Variants in SYT2 observed in about 807,000 individuals in gnomAD.
SYT2 encodes the protein synaptotagmin-2.
SYT2 carries 15 observed loss-of-function variants against 39.9 expected under a neutral mutation model. That is an observed-to-expected ratio of 0.38 (90% CI 0.25 to 0.58). The LOEUF (loss-of-function observed/expected upper bound fraction) is 0.58. Among genes scored for constraint, SYT2 ranks in the 20% least tolerant of loss-of-function variants. SYT2 has a pLI of 0.70. For missense variants in SYT2, 389 were observed against 530.3 expected, an observed-to-expected ratio of 0.73 and a Z score of 2.62; for synonymous variants, 181 against 204.5, an observed-to-expected ratio of 0.89 and a Z score of 0.98.
chr1:202,706,695 G>T (rs1452901465), intron 1 of SYT2, among the ~76,000 whole-genome samples: 1 of 152,180 alleles, frequency 6.6e-6, no homozygotes, highest in African/African-American at 2.4e-5. Flanking sequence ...ATTTATCACA[G>T]GCTTCTGGAG....
intron 1 of SYT2, among the ~76,000 whole-genome samples, chr1:202,624,511 GTGTC>G (rs1014826105): frequency 1.3e-4 from 19 of 150,302 alleles, no homozygotes; most frequent in South Asian, 2.1e-4. Context: ...TGTATGGTGT[GTGTC>G]TGTGTGGTGT....
At chr1:202,625,723 C>T (rs370839556) in intron 1 of SYT2, among the ~76,000 whole-genome samples, 29 of 152,256 alleles carry the variant, frequency 1.9e-4, no homozygotes, top group African/African-American at 5.3e-4. Context: ...CCCCAGTCAA[C>T]GCTCACACCC....
intron 1 of SYT2, among the ~76,000 whole-genome samples, chr1:202,621,817 T>C (rs1691210011): frequency 6.6e-6 from 1 of 152,242 alleles, no homozygotes; most frequent in Admixed American, 6.5e-5. Context: ...CTAGCAGGCT[T>C]CTGGGATTCC....
At chr1:202,605,996 ATTT>A (rs796600519) in intron 1 of SYT2, among the ~76,000 whole-genome samples, 1 of 148,356 alleles carries the variant, frequency 6.7e-6, no homozygotes, top group Non-Finnish European at 1.5e-5. Flanking sequence ...ATCTTTAGAA[ATTT>A]TTTTTTTTTA....
chr1:202,625,238 TG>T (rs1691358601), intron 1 of SYT2, among the ~76,000 whole-genome samples: 1 of 111,634 alleles, frequency 9.0e-6, no homozygotes, highest in Admixed American at 8.4e-5. Flanking sequence ...TGTGTCTGTG[TG>T]GTGTGTGTGT....
chr1:202,631,208 T>C (rs1019850531), intron 1 of SYT2, among the ~76,000 whole-genome samples: 8 of 152,178 alleles, frequency 5.3e-5, no homozygotes, highest in Admixed American at 3.9e-4. Context: ...AAAGCCAGCA[T>C]GGGTGAGCAT....
At chr1:202,616,110 A>T (rs1691024289) in intron 1 of SYT2, among the ~76,000 whole-genome samples, 1 of 151,960 alleles carries the variant, frequency 6.6e-6, no homozygotes, top group Non-Finnish European at 1.5e-5. Flanking sequence ...CCTCCCCACC[A>T]GCTTCGCCTC....
chr1:202,627,620 G>T, intron 1 of SYT2: 1 of 985,356 alleles, frequency 1.0e-6, no homozygotes. Context: ...GGAGAGTAAT[G>T]CGCAAAGGAA....
intron 1 of SYT2, among the ~76,000 whole-genome samples, chr1:202,681,778 C>T (rs934779876): frequency 6.6e-6 from 1 of 152,196 alleles, no homozygotes; most frequent in Non-Finnish European, 1.5e-5. Flanking sequence ...ACCAATAAAT[C>T]AGCTGAGCAG....
intron 1 of SYT2, chr1:202,643,313 T>TGGAGAG (rs896832201): frequency 3.0e-4 from 44 of 148,048 alleles, no homozygotes; most frequent in African/African-American, 9.9e-4. Flanking sequence ...CCTGAGCTGG[T>TGGAGAG]GGAGAGGGCG....
chr1:202,605,813 C>A, intron 1 of SYT2, 24 bp from the exon 2 acceptor site: 3 of 1,589,332 alleles, frequency 1.9e-6, no homozygotes, highest in Non-Finnish European at 2.6e-6. Context: ...GTGAAGAGGG[C>A]AGGGTGAGCA....
At chr1:202,632,236 G>T (rs539955797) in intron 1 of SYT2, among the ~76,000 whole-genome samples, 4 of 152,148 alleles carry the variant, frequency 2.6e-5, no homozygotes, top group Non-Finnish European at 2.9e-5. Context: ...CCCAGTTCTG[G>T]CCTCCTGACT....
chr1:202,703,243 C>T (rs1572688934), intron 1 of SYT2, among the ~76,000 whole-genome samples: 1 of 152,082 alleles, frequency 6.6e-6, no homozygotes, highest in South Asian at 2.1e-4. Flanking sequence ...ACCTCTTTGA[C>T]GCTACCACCC....
intron 1 of SYT2, among the ~76,000 whole-genome samples, chr1:202,654,189 C>A (rs564862459): frequency 6.6e-6 from 1 of 152,232 alleles, no homozygotes; most frequent in Non-Finnish European, 1.5e-5. Flanking sequence ...TTTCCCCAAA[C>A]GGTCTTCAGG....
At chr1:202,683,380 A>C (rs964640127) in intron 1 of SYT2, among the ~76,000 whole-genome samples, 1 of 152,208 alleles carries the variant, frequency 6.6e-6, no homozygotes, top group Non-Finnish European at 1.5e-5. Flanking sequence ...TGGATAAACC[A>C]TAACTACATG....
intron 1 of SYT2, among the ~76,000 whole-genome samples, chr1:202,651,233 C>T (rs116400690): frequency 5.1e-4 from 77 of 152,274 alleles, no homozygotes; most frequent in African/African-American, 1.8e-3. Context: ...ACATGCAAGA[C>T]TGCACACTGG....
intron 1 of SYT2, among the ~76,000 whole-genome samples, chr1:202,660,030 C>T (rs979007432): frequency 6.6e-6 from 1 of 152,194 alleles, no homozygotes; most frequent in African/African-American, 2.4e-5. Flanking sequence ...GAATCTCTGT[C>T]CCCTCTGCTT....
At chr1:202,689,053 G>A (rs900588544) in intron 1 of SYT2, among the ~76,000 whole-genome samples, 5 of 152,028 alleles carry the variant, frequency 3.3e-5, no homozygotes, top group South Asian at 2.1e-4. Flanking sequence ...TGTGGAGCCC[G>A]CCCCCAGACT....
Position 202,601,944 on chromosome 1 carries a change from G to A in SYT2, c.747C>T (p.Asp249=). The change falls in exon 6 of 9, where the codon GAC becomes GAT. Residue 249 remains aspartate, a synonymous_variant. Coordinates refer to ENST00000367268, the MANE Select transcript of SYT2 (RefSeq NM_177402.5). This position sits in a 1 kb window ranked among gnomAD's most constrained non-coding sequence, Gnocchi z 4.0. ...TCCACTCCTCAATGGGCTGGCCGAG[G>A]TCCACTGTGTTCATAGGCACCTTTA... The part of the protein sequence containing the change: ...GEVKVPMNTV[D]LGQPIEEWRD... 6.2e-7 allele frequency: 1 copy of A among 1,614,184 alleles called. No homozygotes were observed. The highest frequency in any genetic ancestry group is 1.1e-5 in the South Asian group (1 of 91,084).
Sources: gnomAD v4.1 joint callset for allele counts (sites outside exome capture counted in the v4.1 genomes callset) on GRCh38, gnomAD v4.1.1 for gene constraint, Gnocchi (gnomAD v3.1) non-coding constraint, MANE v1.5 for transcripts, NCBI Gene and HGNC (gene_info 2026-07-23, HGNC 2026-07-21) for gene names.